The following ARHGAP23 variants were observed in gnomAD, a reference collection of about 807,000 sequenced individuals.
ARHGAP23 encodes rho GTPase-activating protein 23.
Under a neutral mutation model 136.3 loss-of-function variants are expected in ARHGAP23, and 34 were observed. The ratio of observed to expected loss-of-function variants is 0.25; its 90% CI spans 0.19 to 0.33. The LOEUF is 0.33. ARHGAP23 is among the 10% of genes least tolerant of loss of function. The pLI is 1.00. For missense variants in ARHGAP23, 1,808 were observed against 2,139.0 expected, an observed-to-expected ratio of 0.85 and a Z score of 3.05; for synonymous variants, 832 against 920.5, an observed-to-expected ratio of 0.90 and a Z score of 1.74.
At chr17:38,437,968 G>C (rs4795278) in intron 1 of ARHGAP23, among the ~76,000 whole-genome samples, 62,366 of 151,980 alleles carry the variant, frequency 0.41, 13,115 homozygotes, top group Middle Eastern at 0.54. Context: ...TCCAAAGATG[G>C]TCCAGCTCTC....
chr17:38,504,976 ATCTTTTTTTTTTTTTTT>A (rs2040598892), intron 23 of ARHGAP23, among the ~76,000 whole-genome samples: 1 of 54,020 alleles, frequency 1.9e-5, no homozygotes, highest in African/African-American at 5.4e-5. Context: ...CTCCCTTATC[ATCTTTTTTTTTTTTTTT>A]TTTTTTTTTT....
In ARHGAP23 at chr17:38,462,725, G is replaced by C. The variant is rs987485845; in HGVS notation, c.254-121G>C. ...AGTGTCCTCGTGGATGTTTGAGCCT[G>C]TGCATGTTTGTGACCGGACGAGTGC... On this transcript the variant is annotated intron_variant, in intron 3 of 23. Transcript: ENST00000622683. 8 of 711,962 alleles carry C rather than the reference G, an allele frequency of 1.1e-5. No homozygotes were observed. The African/African-American group carries it at 1.5e-4, about 13-fold the overall frequency. The allele number at this position is 711,962 out of a possible 1,614,324, so 44.1% of individuals were successfully genotyped here. A position where few individuals can be genotyped will look rare whatever the true frequency, so the allele number is the denominator to read the frequency against.
chr17:38,510,018 C>T lies in ARHGAP23; in HGVS notation c.3522C>T (p.Arg1174=). The T allele has an allele frequency of 8.0e-7, 1 of 1,248,756 alleles. No homozygotes were observed. Among genetic ancestry groups the T allele is most frequent in the South Asian group, 3.8e-5 (1 of 26,222 alleles). The allele number at this position is 1,248,756 out of a possible 1,614,324, so 77.4% of individuals were successfully genotyped here. ...LAISFISAVN[R]KRKKRREARG... ...TCTCCTTCATCTCGGCCGTCAACCGCAAGCGCAAGAAGCGGCGGGAGGCGC... is the reference window on the plus strand; with the variant it reads ...TCTCCTTCATCTCGGCCGTCAACCGTAAGCGCAAGAAGCGGCGGGAGGCGC... The change falls in exon 24 of 24, where the codon CGC becomes CGT. Residue 1174 remains arginine, a synonymous_variant. Transcript: ENST00000622683. The surrounding 1 kb of genome is among the most constrained non-coding windows in gnomAD (Gnocchi z 4.6).
chr17:38,419,472 T>C (rs1366576992), intron 1 of ARHGAP23: 1 of 112,132 alleles, frequency 8.9e-6, no homozygotes, highest in Non-Finnish European at 1.8e-5. Context: ...CCCGGCGAGG[T>C]GGGCGCGCCG....
Position 38,463,114 on chromosome 17 carries a change from C to T in ARHGAP23, c.350-4C>T. The stretch of plus-strand genomic sequence containing the variant: ...GTCACCACTCATGCGCTCCTTGTCC[C>T]CAGGAGACCGGCTGGTAAAGGTGAA... On this transcript the variant is annotated splice_region_variant and splice_polypyrimidine_tract_variant and intron_variant, in intron 4 of 23. Coordinates refer to ENST00000622683, the MANE Select transcript of ARHGAP23 (RefSeq NM_001199417.2). 1 of 1,551,176 alleles carries T rather than the reference C, an allele frequency of 6.4e-7. No homozygotes were observed. The highest frequency in any genetic ancestry group is 8.7e-7 in the Non-Finnish European group (1 of 1,146,730).
chr17:38,437,311 G>T (rs987588615), intron 1 of ARHGAP23, among the ~76,000 whole-genome samples: 1 of 151,676 alleles, frequency 6.6e-6, no homozygotes, highest in Non-Finnish European at 1.5e-5. Flanking sequence ...TTTTTGTAGC[G>T]ATGGGGGTCT....
chr17:38,440,706 G>A (rs542276367), intron 1 of ARHGAP23, among the ~76,000 whole-genome samples: 134 of 152,342 alleles, frequency 8.8e-4, no homozygotes, highest in African/African-American at 2.9e-3. Flanking sequence ...GCTTTCTTTG[G>A]GGGCACACAA....
In ARHGAP23 at chr17:38,469,300, G is replaced by A; in HGVS notation, c.1804+1G>A. On this transcript the variant is annotated splice_donor_variant, in intron 8 of 23. Transcript: ENST00000622683. LOFTEE classifies it high-confidence loss of function. The stretch of plus-strand genomic sequence containing the variant: ...GGACGCCATTACTCGCAGGACTGCA[G>A]TGAGCACTCCCCACACCCCCAGCCC... The A allele has an allele frequency of 6.5e-7, 1 of 1,549,756 alleles. No homozygotes were observed. The highest frequency in any genetic ancestry group is 8.7e-7 in the Non-Finnish European group (1 of 1,145,858).
At chr17:38,501,265 G>A (rs2040512027) in intron 23 of ARHGAP23, 1 of 151,898 alleles carries the variant, frequency 6.6e-6, no homozygotes. Flanking sequence ...ATGAAAGAGG[G>A]ACATCACTAC....
chr17:38,489,842 A>T (rs1036503921), intron 17 of ARHGAP23: 1 of 442,054 alleles, frequency 2.3e-6, no homozygotes, highest in Admixed American at 3.6e-5. Context: ...ATCAGCATGC[A>T]GCTCAGATGG....
intron 1 of ARHGAP23, among the ~76,000 whole-genome samples, chr17:38,444,270 G>A (rs969738837): frequency 6.6e-6 from 1 of 152,052 alleles, no homozygotes; most frequent in Non-Finnish European, 1.5e-5. Context: ...GCATGCCAGC[G>A]CTGGGCCAGC....
chr17:38,486,201 C>T, intron 17 of ARHGAP23, 61 bp downstream of exon 17: 1 of 1,356,426 alleles, frequency 7.4e-7, no homozygotes, highest in Non-Finnish European at 1.0e-6. Context: ...ACCCTGACCA[C>T]TACTTTTGCA....
At chr17:38,486,177 C>A in intron 17 of ARHGAP23, 37 bp downstream of exon 17, 1 of 1,502,404 alleles carries the variant, frequency 6.7e-7, no homozygotes, top group Non-Finnish European at 9.1e-7. Flanking sequence ...GGAGGGGACA[C>A]CAGTCCGTGC....
At chr17:38,435,612 G>A (rs1450505001) in intron 1 of ARHGAP23, among the ~76,000 whole-genome samples, 1 of 152,174 alleles carries the variant, frequency 6.6e-6, no homozygotes, top group Non-Finnish European at 1.5e-5. Flanking sequence ...TTTTGTTGTT[G>A]TTGTTTTCGA....
At chr17:38,426,571 A>AAAAAAAAAAAAAAAAAAAAC (rs1458643674), upstream of ARHGAP23, among the ~76,000 whole-genome samples, 2 of 150,726 alleles carry the variant, frequency 1.3e-5, no homozygotes, top group East Asian at 1.9e-4. Context: ...AAAAAAAAAA[A>AAAAAAAAAAAAAAAAAAAAC]ATCCAGGCAG....
chr17:38,484,255 G>T (rs2040111652), intron 16 of ARHGAP23, among the ~76,000 whole-genome samples: 1 of 152,018 alleles, frequency 6.6e-6, no homozygotes, highest in South Asian at 2.1e-4. Context: ...GAGGGGCGAG[G>T]AAGAGCCGCA....
upstream of ARHGAP23, among the ~76,000 whole-genome samples, chr17:38,426,827 ATTG>A (rs563973371): frequency 1.2e-3 from 190 of 152,184 alleles, no homozygotes; most frequent in Non-Finnish European, 2.2e-3. Context: ...GGATGGCCTA[ATTG>A]TTGTCTGGGG....
At position 38,467,273 on chromosome 17, in the gene ARHGAP23, C is replaced by A; in HGVS notation, c.1590C>A (p.Gly530=). ...CCAGTGGGCGAGGGGAACGCCTGGGCAGGAAGGTGGCCCCTTTGGCCACCA... is the reference window on the plus strand; with the variant it reads ...CCAGTGGGCGAGGGGAACGCCTGGGAAGGAAGGTGGCCCCTTTGGCCACCA... ...PEASGRGERL[G]RKVAPLATTE... The change falls in exon 7 of 24, where the codon GGC becomes GGA. Residue 530 remains glycine (G), a synonymous_variant. Transcript: ENST00000622683. 1 of 1,540,796 alleles carries A rather than the reference C, an allele frequency of 6.5e-7. No homozygotes were observed. Among genetic ancestry groups the A allele is most frequent in the Non-Finnish European group, 8.8e-7 (1 of 1,142,322 alleles).
chr17:38,480,252 G>A (rs1370739158), intron 14 of ARHGAP23, among the ~76,000 whole-genome samples: 1 of 152,198 alleles, frequency 6.6e-6, no homozygotes, highest in Non-Finnish European at 1.5e-5. Flanking sequence ...TGTAATCCCA[G>A]CACTTTGGGA....
Sources: gnomAD v4.1 joint callset for allele counts (sites outside exome capture counted in the v4.1 genomes callset) on GRCh38, gnomAD v4.1.1 for gene constraint, Gnocchi (gnomAD v3.1) non-coding constraint, MANE v1.5 for transcripts, NCBI Gene and HGNC (gene_info 2026-07-23, HGNC 2026-07-21) for gene names.